The following USH2A variants were observed in gnomAD, a reference collection of about 807,000 sequenced individuals.
USH2A encodes the protein usherin.
In USH2A, 443 loss-of-function variants were observed where a neutral mutation model predicts 538.9. The ratio of observed to expected loss-of-function variants is 0.82; its 90% CI spans 0.76 to 0.89. The LOEUF (loss-of-function observed/expected upper bound fraction) is 0.89, where lower values mean the gene tolerates loss of function less well. Ranked by LOEUF, USH2A falls within the 40% of genes least tolerant of loss-of-function variation. The pLI is 0.00. For synonymous variants in USH2A, 2,413 were observed against 2,273.5 expected (o/e 1.06, Z -1.75); for missense variants, 6,633 against 6,324.8 (o/e 1.05, Z -1.65).
At position 216,190,309 on chromosome 1, in the gene USH2A, T is replaced by A; in HGVS notation, c.4310A>T (p.Tyr1437Phe). 6.2e-7 allele frequency: 1 copy of A among 1,612,472 alleles called. No homozygotes were observed. The highest frequency in any genetic ancestry group is 8.5e-7 in the Non-Finnish European group (1 of 1,179,038). The change falls in exon 20 of 72, where the codon TAT (tyrosine) becomes TTT (phenylalanine). Residue 1437 changes from tyrosine to phenylalanine, a missense_variant. Physicochemically the swap from Tyr to Phe is conservative, Grantham distance 22. Coordinates refer to ENST00000307340, the MANE Select transcript of USH2A (RefSeq NM_206933.4). ...LSYTVEGLKP[Y>F]RIYEFTITLC... is the part of the protein sequence containing the mutation. ...AGTAATAGTAAACTCATATATCCTA[T>A]AAGGTTTCAGTCCTTCTACAGTGTA...
rs1241586691 is a variant in USH2A, at chr1:215,759,639, TAA to T, written c.11231+19_11231+20del. ...TGTACAAATCCTGCTGTATGATTGG[TAA>T]AGTTTTCTTTTAGTTTACCTGCTAT... On this transcript the variant is annotated intron_variant, in intron 57 of 71. Transcript: ENST00000307340. The T allele has an allele frequency of 2.5e-6, 4 of 1,613,680 alleles. No individual in the cohort carries two copies. The highest frequency in any genetic ancestry group is 1.7e-5 in the Admixed American group (1 of 59,988).
At chr1:216,000,602 A>G in intron 32 of USH2A, 40 bp from the exon 33 acceptor site, 1 of 1,610,890 alleles carries the variant, frequency 6.2e-7, no homozygotes, top group Non-Finnish European at 8.5e-7. Flanking sequence ...TCAGCATTAT[A>G]CTTCTTATTG....
intron 53 of USH2A, among the ~76,000 whole-genome samples, 175 bp downstream of exon 53, chr1:215,782,563 G>A (rs1157536386): frequency 5.3e-5 from 8 of 152,220 alleles, no homozygotes; most frequent in Middle Eastern, 6.8e-3. Flanking sequence ...AAAAATCTAC[G>A]AGGACTACAC....
chr1:216,285,092 T>A (rs2036855740), intron 11 of USH2A, among the ~76,000 whole-genome samples: 2 of 152,194 alleles, frequency 1.3e-5, no homozygotes, highest in African/African-American at 2.4e-5. Flanking sequence ...AAATTCAAGT[T>A]GGCTGCAGAA....
chr1:216,183,578 G>A (rs2034533988), intron 20 of USH2A, among the ~76,000 whole-genome samples: 1 of 151,970 alleles, frequency 6.6e-6, no homozygotes, highest in African/African-American at 2.4e-5. Context: ...GAATGGCTGA[G>A]TGATTCATGC....
intron 61 of USH2A, among the ~76,000 whole-genome samples, chr1:215,693,110 G>GTGTGTA (rs1553253910): frequency 4.3e-5 from 4 of 93,610 alleles, no homozygotes; most frequent in African/African-American, 1.3e-4. Context: ...GTGTGTGTGT[G>GTGTGTA]TATGTGTATA....
At chr1:216,088,944 A>G in intron 23 of USH2A, 69 bp downstream of exon 23, 3 of 1,596,100 alleles carry the variant, frequency 1.9e-6, no homozygotes, top group Non-Finnish European at 2.6e-6. Flanking sequence ...GTAGGAATAT[A>G]AACAACAGAA....
chr1:216,117,840 A>G (rs2033045015), intron 21 of USH2A, among the ~76,000 whole-genome samples: 1 of 129,042 alleles, frequency 7.7e-6, no homozygotes, highest in African/African-American at 2.7e-5. Context: ...AGATATATAT[A>G]TACACACACA....
rs190745308 is a variant in USH2A at position 216,348,445 on chromosome 1, G to A, written c.784+16508C>T. 1.9e-3 allele frequency among the ~76,000 whole-genome samples: 290 copies of A among 152,064 alleles called. 1 individual carries two copies. The highest frequency in any genetic ancestry group is 6.3e-3 in the African/African-American group (261 of 41,488). ...CACTTTCTGATAGACTCAGGGGCCC[G>A]AAGATATCTTAGGACCTCAAGAGTA... On this transcript the variant is annotated intron_variant, in intron 4 of 71. Coordinates refer to ENST00000307340, the MANE Select transcript of USH2A (RefSeq NM_206933.4).
At chr1:216,396,271 A>C (rs2039210345) in intron 3 of USH2A, among the ~76,000 whole-genome samples, 2 of 152,210 alleles carry the variant, frequency 1.3e-5, no homozygotes, top group Non-Finnish European at 2.9e-5. Context: ...CTCAATAACC[A>C]AACCTAATAC....
intron 32 of USH2A, among the ~76,000 whole-genome samples, chr1:216,010,483 G>A (rs184489311): frequency 7.2e-5 from 11 of 151,888 alleles, no homozygotes; most frequent in African/African-American, 2.7e-4. Flanking sequence ...GACACTGCCC[G>A]ATCGCCTTGG....
intron 43 of USH2A, among the ~76,000 whole-genome samples, chr1:215,877,370 T>G (rs1326410571): frequency 6.6e-6 from 1 of 152,200 alleles, no homozygotes; most frequent in African/African-American, 2.4e-5. Flanking sequence ...TTATAAGTCA[T>G]TATAATTCAT....
intron 61 of USH2A, among the ~76,000 whole-genome samples, chr1:215,713,652 A>G (rs1008668150): frequency 3.9e-5 from 6 of 152,180 alleles, no homozygotes; most frequent in Non-Finnish European, 8.8e-5. Context: ...GACCTCTCCC[A>G]AAAGCCTTCT....
intron 21 of USH2A, among the ~76,000 whole-genome samples, chr1:216,106,792 C>T (rs111658257): frequency 1.8e-4 from 28 of 151,962 alleles, no homozygotes; most frequent in African/African-American, 6.5e-4. Flanking sequence ...TTAACCTATA[C>T]ATTTCTCTCC....
chr1:215,925,865 C>T (rs529860705), intron 38 of USH2A, among the ~76,000 whole-genome samples: 6 of 152,228 alleles, frequency 3.9e-5, no homozygotes, highest in African/African-American at 9.6e-5. Flanking sequence ...TATCTGTACT[C>T]GGCAAGCAAG....
At chr1:216,219,530 C>T (rs553541603) in intron 14 of USH2A, among the ~76,000 whole-genome samples, 1 of 151,924 alleles carries the variant, frequency 6.6e-6, no homozygotes, top group Non-Finnish European at 1.5e-5. Context: ...TCAAGAGTAC[C>T]TCCTAAATGA....
chr1:215,654,114 C>T (rs973432191), intron 64 of USH2A, among the ~76,000 whole-genome samples: 1 of 152,152 alleles, frequency 6.6e-6, no homozygotes, highest in African/African-American at 2.4e-5. Context: ...AGATGTTCTT[C>T]ATCTTTGATT....
chr1:216,178,896 T>C (rs1272651566), intron 20 of USH2A, among the ~76,000 whole-genome samples: 1 of 152,148 alleles, frequency 6.6e-6, no homozygotes, highest in Non-Finnish European at 1.5e-5. Context: ...ATGACTACCA[T>C]ACTGGACACC....
rs1656003575 is a variant in USH2A, at chr1:215,625,877, A to G, written c.15520-7T>C. On this transcript the variant is annotated splice_region_variant and splice_polypyrimidine_tract_variant and intron_variant, in intron 71 of 71. Coordinates refer to ENST00000307340, the MANE Select transcript of USH2A (RefSeq NM_206933.4). ...GGTCCTCTTCATCCACATACTGAAA[A>G]ATAAGCCAATCATCATTGGCTACAT... 6.2e-7 allele frequency: 1 copy of G among 1,613,628 alleles called. No individual in the cohort carries two copies. Among genetic ancestry groups the G allele is most frequent in the African/African-American group, 1.3e-5 (1 of 74,928 alleles).
Sources: gnomAD v4.1 joint callset for allele counts (sites outside exome capture counted in the v4.1 genomes callset) on GRCh38, gnomAD v4.1.1 for gene constraint, MANE v1.5 for transcripts, NCBI Gene and HGNC (gene_info 2026-07-23, HGNC 2026-07-21) for gene names.